ABCC6: variants seen among roughly 807,000 people sequenced by gnomAD.
The protein encoded by ABCC6 is ATP-binding cassette sub-family C member 6.
A neutral mutation model predicts 169.5 loss-of-function variants in ABCC6; 126 were observed. That is an observed-to-expected ratio of 0.74 (90% CI 0.64 to 0.86). The LOEUF (loss-of-function observed/expected upper bound fraction) is 0.86, where lower values mean the gene tolerates loss of function less well. ABCC6 is among the 40% of genes least tolerant of loss of function. The pLI is 0.00. For missense variants in ABCC6, 1,733 were observed against 1,927.2 expected, an observed-to-expected ratio of 0.90 and a Z score of 1.89; for synonymous variants, 752 against 814.7, an observed-to-expected ratio of 0.92 and a Z score of 1.31.
chr16:16,169,023 G>A (rs79010276), intron 22 of ABCC6, among the ~76,000 whole-genome samples: 4 of 152,152 alleles, frequency 2.6e-5, no homozygotes, highest in Admixed American at 2.6e-4. Flanking sequence ...GGGGGTTGCA[G>A]TGAGCCGAGA....
chr16:16,177,005 A>G (rs2047298624), intron 19 of ABCC6, among the ~76,000 whole-genome samples: 1 of 152,176 alleles, frequency 6.6e-6, no homozygotes, highest in South Asian at 2.1e-4. Context: ...GGATTATTAG[A>G]AACCCTAGCT....
chr16:16,165,557 C>T (rs1178261268), intron 23 of ABCC6, 66 bp downstream of exon 23: 12 of 1,581,224 alleles, frequency 7.6e-6, no homozygotes, highest in Non-Finnish European at 3.5e-6. Flanking sequence ...GGAGTCTTCC[C>T]CAGAGACAGG....
intron 10 of ABCC6, among the ~76,000 whole-genome samples, chr16:16,193,475 G>T (rs944982557): frequency 6.6e-6 from 1 of 152,158 alleles, no homozygotes; most frequent in Non-Finnish European, 1.5e-5. Flanking sequence ...CACTTTGGGA[G>T]GCCGGAGGCG....
chr16:16,149,980 T>C lies in ABCC6; in HGVS notation c.*153A>G, dbSNP rs1178820689. ...TTCCGGCTCTGATGCTCTGTGATAA[T>C]TGGCCACTTTCTCTGCCATTTTCCT... On this transcript the variant is annotated 3_prime_UTR_variant, in exon 31 of 31. Transcript: ENST00000205557. 2 of 1,188,604 alleles carry C rather than the reference T, an allele frequency of 1.7e-6. No individual in the cohort carries two copies. The highest frequency in any genetic ancestry group is 3.0e-5 in the African/African-American group (2 of 66,380). 73.6% of individuals were successfully genotyped at this position (1,188,604 alleles called of 1,614,324 possible).
intron 27 of ABCC6, among the ~76,000 whole-genome samples, 200 bp downstream of exon 27, chr16:16,157,463 C>T (rs2046586323): frequency 6.6e-6 from 1 of 152,002 alleles, no homozygotes. Flanking sequence ...CTGGGGACAC[C>T]AAGGTGGATG....
At chr16:16,153,094 G>A (rs927323415) in intron 29 of ABCC6, among the ~76,000 whole-genome samples, 8 of 152,034 alleles carry the variant, frequency 5.3e-5, no homozygotes, top group Non-Finnish European at 7.4e-5. Flanking sequence ...TAGTAGAGAC[G>A]GGGCTTCACC....
intron 26 of ABCC6, among the ~76,000 whole-genome samples, chr16:16,158,804 G>A (rs2046628009): frequency 6.6e-6 from 1 of 151,962 alleles, no homozygotes; most frequent in African/African-American, 2.4e-5. Context: ...TTACTATAAT[G>A]TTGCTGTTTT....
chr16:16,209,436 C>G (rs1466481906), intron 6 of ABCC6, among the ~76,000 whole-genome samples: 2 of 151,986 alleles, frequency 1.3e-5, no homozygotes, highest in Admixed American at 1.3e-4. Flanking sequence ...TATTATAGAT[C>G]TATTTTACAG....
chr16:16,178,577 T>G (rs370421013), intron 18 of ABCC6, among the ~76,000 whole-genome samples: 1 of 152,040 alleles, frequency 6.6e-6, no homozygotes, highest in African/African-American at 2.4e-5. Flanking sequence ...GCTGTAGTAG[T>G]TAAATCACAG....
chr16:16,187,834 A>T (rs2047697838), intron 13 of ABCC6, among the ~76,000 whole-genome samples: 1 of 152,108 alleles, frequency 6.6e-6, no homozygotes, highest in Non-Finnish European at 1.5e-5. Context: ...GAGTTTGAGC[A>T]TGCAGTGAGC....
chr16:16,195,602 C>T (rs900685530), intron 10 of ABCC6, among the ~76,000 whole-genome samples: 8 of 152,098 alleles, frequency 5.3e-5, no homozygotes, highest in Admixed American at 1.3e-4. Flanking sequence ...CGTGAGCCAC[C>T]GTGCCCCGCC....
chr16:16,168,200 G>A (rs1264549354), intron 22 of ABCC6, among the ~76,000 whole-genome samples: 1 of 6,654 alleles, frequency 1.5e-4, no homozygotes, highest in Non-Finnish European at 1.4e-3. Context: ...GTCCTTTAAA[G>A]ATGAAGCCAG....
intron 29 of ABCC6, among the ~76,000 whole-genome samples, chr16:16,151,320 T>C (rs2046382011): frequency 6.6e-6 from 1 of 152,200 alleles, no homozygotes; most frequent in Non-Finnish European, 1.5e-5. Flanking sequence ...CCTCCCAAAG[T>C]GCTGGGATTA....
In ABCC6 at chr16:16,190,380, G is replaced by A. The variant is rs1208460101; in HGVS notation, c.1432-13C>T. ...TCATTTGCTCCTCCTGGGATCGGAG[G>A]GAAAAAGAGAGATGAAGACAGGGAC... On this transcript the variant is annotated splice_polypyrimidine_tract_variant and intron_variant, in intron 11 of 30. Coordinates refer to ENST00000205557, the MANE Select transcript of ABCC6 (RefSeq NM_001171.6). The A allele has an allele frequency of 1.9e-6, 3 of 1,613,760 alleles. No homozygotes were observed. The highest frequency in any genetic ancestry group is 1.3e-5 in the African/African-American group (1 of 74,890).
chr16:16,155,137 G>A, intron 27 of ABCC6, 106 bp from the exon 28 acceptor site: 4 of 1,326,012 alleles, frequency 3.0e-6, no homozygotes, highest in Non-Finnish European at 4.1e-6. Flanking sequence ...ATCCCTCATT[G>A]TGTAAAGGTC....
chr16:16,159,426 G>GC lies in ABCC6; in HGVS notation c.3735+55dup, dbSNP rs56822940. On this transcript the variant is annotated intron_variant, in intron 26 of 30. Coordinates refer to ENST00000205557, the MANE Select transcript of ABCC6 (RefSeq NM_001171.6). ...TAGCAGATGTCAACAGGGACCCATT[G>GC]CCCCCCCCCACAATATGTCCTTGCT... The GC allele has an allele frequency of 1.8e-5, 24 of 1,355,818 alleles. No homozygotes were observed. The African/African-American group carries it at 3.1e-4, about 17-fold the overall frequency. 84.0% of individuals were successfully genotyped at this position (1,355,818 alleles called of 1,614,324 possible).
At chr16:16,166,372 G>T (rs1378750126) in intron 22 of ABCC6, among the ~76,000 whole-genome samples, 1 of 151,864 alleles carries the variant, frequency 6.6e-6, no homozygotes, top group Non-Finnish European at 1.5e-5. Context: ...TGATGTAATG[G>T]GTTGAAGAGT....
chr16:16,161,698 A>T, intron 24 of ABCC6, 134 bp from the exon 25 acceptor site: 2 of 1,188,690 alleles, frequency 1.7e-6, no homozygotes, highest in South Asian at 2.6e-5. Flanking sequence ...CATGCAACCC[A>T]GGCTCAGGGA....
In ABCC6 at chr16:16,149,968, G is replaced by T; in HGVS notation, c.*165C>A. On this transcript the variant is annotated 3_prime_UTR_variant, in exon 31 of 31. Transcript: ENST00000205557. ...ATTGCTAGGTCCTTCCGGCTCTGAT[G>T]CTCTGTGATAATTGGCCACTTTCTC... 1 of 1,071,226 alleles carries T rather than the reference G, an allele frequency of 9.3e-7. No homozygotes were observed. The highest frequency in any genetic ancestry group is 1.4e-6 in the Non-Finnish European group (1 of 720,402). The allele number at this position is 1,071,226 out of a possible 1,614,324, so 66.4% of individuals were successfully genotyped here. A position where few individuals can be genotyped will look rare whatever the true frequency, so the allele number is the denominator to read the frequency against.
Sources: gnomAD v4.1 joint callset for allele counts (sites outside exome capture counted in the v4.1 genomes callset) on GRCh38, gnomAD v4.1.1 for gene constraint, MANE v1.5 for transcripts, NCBI Gene and HGNC (gene_info 2026-07-23, HGNC 2026-07-21) for gene names.